Variants in DLG2 observed in about 807,000 individuals in gnomAD.
DLG2 encodes the protein disks large homolog 2.
DLG2 carries 45 observed loss-of-function variants against 132.5 expected under a neutral mutation model. That is an observed-to-expected ratio of 0.34 (90% CI 0.27 to 0.44). DLG2 has a LOEUF of 0.44. Among genes scored for constraint, DLG2 ranks in the 20% least tolerant of loss-of-function variants. DLG2 has a pLI of 1.00. For synonymous variants in DLG2, 424 were observed against 419.6 expected (o/e 1.01, Z -0.13); for missense variants, 1,045 against 1,196.9 (o/e 0.87, Z 1.87).
At chr11:85,324,199 C>T (rs1343550378) in intron 3 of DLG2, among the ~76,000 whole-genome samples, 1 of 152,164 alleles carries the variant, frequency 6.6e-6, no homozygotes, top group African/African-American at 2.4e-5. Flanking sequence ...CTCCACTTCT[C>T]CCCTGAGTTC....
chr11:84,189,581 C>A (rs2096361095), intron 8 of DLG2, among the ~76,000 whole-genome samples: 1 of 152,074 alleles, frequency 6.6e-6, no homozygotes, highest in African/African-American at 2.4e-5. Flanking sequence ...TAAATTCCCA[C>A]CAGTGATAGA....
intron 7 of DLG2, among the ~76,000 whole-genome samples, chr11:84,425,137 A>C (rs555981134): frequency 6.6e-6 from 1 of 152,186 alleles, no homozygotes; most frequent in African/African-American, 2.4e-5. Context: ...TGTGCAAATA[A>C]GTATTTTTTA....
chr11:83,836,679 A>G (rs537886733), intron 16 of DLG2, among the ~76,000 whole-genome samples: 4 of 152,298 alleles, frequency 2.6e-5, no homozygotes, highest in African/African-American at 7.2e-5. Context: ...CAGGAGGTAG[A>G]TATCATGGGT....
chr11:85,138,607 G>A (rs865860411), intron 5 of DLG2, among the ~76,000 whole-genome samples: 21 of 152,044 alleles, frequency 1.4e-4, no homozygotes, highest in Admixed American at 3.3e-4. Context: ...GAATTCCCAC[G>A]TCGTGGGAGG....
chr11:84,581,912 C>CAA (rs780759635), intron 6 of DLG2, among the ~76,000 whole-genome samples: 16 of 64,978 alleles, frequency 2.5e-4, no homozygotes, highest in Admixed American at 7.9e-4. Context: ...TCTCAAAAAC[C>CAA]AAAAAAAAAA....
At chr11:84,819,513 T>G (rs983183022) in intron 6 of DLG2, among the ~76,000 whole-genome samples, 4 of 151,870 alleles carry the variant, frequency 2.6e-5, no homozygotes, top group African/African-American at 9.7e-5. Context: ...TTCATGCCTA[T>G]ATGCCTGGCA....
At chr11:83,595,767 A>G (rs1251209146) in intron 19 of DLG2, among the ~76,000 whole-genome samples, 4 of 152,236 alleles carry the variant, frequency 2.6e-5, no homozygotes, top group Non-Finnish European at 5.9e-5. Context: ...CAAACAATTT[A>G]TAGAAGAACG....
chr11:84,049,539 C>T (rs564814623), intron 11 of DLG2, among the ~76,000 whole-genome samples: 3 of 151,854 alleles, frequency 2.0e-5, no homozygotes, highest in African/African-American at 7.2e-5. Flanking sequence ...TTGCACTCCC[C>T]ACTCATCTCT....
At chr11:85,294,973 T>C (rs573062598) in intron 3 of DLG2, among the ~76,000 whole-genome samples, 4 of 152,136 alleles carry the variant, frequency 2.6e-5, no homozygotes, top group South Asian at 2.1e-4. Context: ...TCAAAATATC[T>C]CCTTGATGAA....
At chr11:83,962,465 G>A (rs911901660) in intron 14 of DLG2, among the ~76,000 whole-genome samples, 1 of 151,918 alleles carries the variant, frequency 6.6e-6, no homozygotes, top group East Asian at 1.9e-4. Flanking sequence ...AAGACAAAAA[G>A]TTTTTACATT....
chr11:85,053,040 G>A (rs1319297345), intron 6 of DLG2, among the ~76,000 whole-genome samples: 1 of 151,974 alleles, frequency 6.6e-6, no homozygotes, highest in Non-Finnish European at 1.5e-5. Context: ...GCTCTAGTTT[G>A]GCTTTTATTC....
chr11:83,466,249 A>G lies in DLG2; in HGVS notation c.2729+459T>C, dbSNP rs369926091. On this transcript the variant is annotated intron_variant, in intron 26 of 27. Transcript: ENST00000376104. ...GTCTCAAACGTTGTCTGCTCTCTCT[A>G]TAAAAAATCTACACATTTAAAAAGA... Among the ~76,000 whole-genome samples, 34 of 151,924 alleles carry G rather than the reference A, an allele frequency of 2.2e-4. No individual in the cohort carries two copies. In the East Asian group the frequency reaches 6.6e-3, roughly 29 times the overall value.
At chr11:84,851,373 T>C (rs559737006) in intron 6 of DLG2, among the ~76,000 whole-genome samples, 1 of 152,228 alleles carries the variant, frequency 6.6e-6, no homozygotes, top group East Asian at 1.9e-4. Context: ...ATATGACCTG[T>C]AATACAGTGA....
At chr11:84,816,130 C>T (rs1024972978) in intron 6 of DLG2, among the ~76,000 whole-genome samples, 1 of 152,022 alleles carries the variant, frequency 6.6e-6, no homozygotes, top group Non-Finnish European at 1.5e-5. Context: ...TTTTAGATTA[C>T]AAATGCAACA....
intron 9 of DLG2, among the ~76,000 whole-genome samples, chr11:84,150,360 G>A (rs1046298218): frequency 6.6e-6 from 1 of 151,958 alleles, no homozygotes; most frequent in African/African-American, 2.4e-5. Context: ...TTGTTATTTG[G>A]CTCTCAGCTT....
Position 83,790,931 on chromosome 11 carries a change from C to A in DLG2, c.1723-4139G>T, listed in dbSNP as rs1594435499. Reference sequence around the variant, plus strand: ...CAGTATACTGAATGTAGTCCTGAGGCAGAAGTCCAATAACGACAGGCACAT... The same window carrying A: ...CAGTATACTGAATGTAGTCCTGAGGAAGAAGTCCAATAACGACAGGCACAT... On this transcript the variant is annotated intron_variant, in intron 17 of 27. Transcript: ENST00000376104. 6.5e-6 allele frequency: 6 copies of A among 928,280 alleles called. No individual in the cohort carries two copies. In the East Asian group the frequency reaches 1.4e-4, roughly 22 times the overall value. 57.5% of individuals were successfully genotyped at this position (928,280 alleles called of 1,614,324 possible).
intron 3 of DLG2, among the ~76,000 whole-genome samples, chr11:85,545,109 T>A (rs1013135175): frequency 2.0e-5 from 3 of 152,230 alleles, no homozygotes; most frequent in African/African-American, 7.2e-5. Flanking sequence ...CCATTCAGTA[T>A]GATATTGGCT....
intron 6 of DLG2, among the ~76,000 whole-genome samples, chr11:84,956,411 AC>A (rs1362915565): frequency 1.3e-5 from 2 of 152,210 alleles, no homozygotes; most frequent in Non-Finnish European, 2.9e-5. Flanking sequence ...CAGTCCTGCC[AC>A]AAGAGAAGTA....
chr11:85,117,813 C>T (rs1025789241), intron 5 of DLG2, among the ~76,000 whole-genome samples: 2 of 151,896 alleles, frequency 1.3e-5, no homozygotes, highest in South Asian at 2.1e-4. Flanking sequence ...TTAATTAATA[C>T]ATTGGGACTG....
Sources: gnomAD v4.1 joint callset for allele counts (sites outside exome capture counted in the v4.1 genomes callset) on GRCh38, gnomAD v4.1.1 for gene constraint, MANE v1.5 for transcripts, NCBI Gene and HGNC (gene_info 2026-07-23, HGNC 2026-07-21) for gene names.